The following INTS11 variants were observed in gnomAD, a reference collection of about 807,000 sequenced individuals.
INTS11 encodes the protein CPSF3-like protein.
Under a neutral mutation model 78.6 loss-of-function variants are expected in INTS11, and 77 were observed. The observed-to-expected ratio is 0.98, with a 90% CI of 0.81 to 1.18. INTS11 has a LOEUF of 1.18. Ranked by LOEUF, INTS11 falls within the 50% of genes most tolerant of loss-of-function variation. The pLI, the probability that INTS11 is intolerant of heterozygous loss-of-function variation, is 0.00. For missense variants in INTS11, 875 were observed against 825.9 expected (o/e 1.06, Z -0.73); for synonymous variants, 441 against 326.9 (o/e 1.35, Z -3.77).
chr1:1,313,274 G>A (rs1642353538), intron 10 of INTS11, 150 bp from the exon 11 acceptor site: 14 of 991,918 alleles, frequency 1.4e-5, no homozygotes, highest in Non-Finnish European at 2.0e-5. Context: ...AAAGGGCTCA[G>A]GTTTTGGCAC....
rs1399368067 is a variant in INTS11, at chr1:1,311,774, C to T, written c.*85G>A. On this transcript the variant is annotated 3_prime_UTR_variant, in exon 17 of 17. Coordinates refer to ENST00000435064, the MANE Select transcript of INTS11 (RefSeq NM_017871.6). ...ATGGGACCTGCAGGGTCTGTTCACCCAGGGCACCCACAGTCCTGAAGTGCA... is the reference window on the plus strand; with the variant it reads ...ATGGGACCTGCAGGGTCTGTTCACCTAGGGCACCCACAGTCCTGAAGTGCA... The T allele has an allele frequency of 1.5e-5, 21 of 1,384,484 alleles. No individual in the cohort carries two copies. The highest frequency in any genetic ancestry group is 4.1e-5 in the South Asian group (3 of 73,844). 85.8% of individuals were successfully genotyped at this position (1,384,484 alleles called of 1,614,324 possible).
Position 1,313,598 on chromosome 1 carries a change from G to A in INTS11, c.958-6C>T. The stretch of plus-strand genomic sequence containing the variant: ...CCTGGCGTGGCAAACACAACCTACA[G>A]GACACACAGGGCCAGGTGGGGGGTC... On this transcript the variant is annotated splice_polypyrimidine_tract_variant and splice_region_variant and intron_variant, in intron 9 of 16. Transcript: ENST00000435064. The A allele has an allele frequency of 6.2e-7, 1 of 1,612,882 alleles. No individual in the cohort carries two copies. The highest frequency in any genetic ancestry group is 1.1e-5 in the South Asian group (1 of 91,090).
intron 3 of INTS11, chr1:1,319,819 G>A (rs2100621370): frequency 2.5e-6 from 1 of 403,496 alleles, no homozygotes; most frequent in East Asian, 4.8e-5. Flanking sequence ...TGGCTTTTCA[G>A]GCAGTCAGGA....
intron 1 of INTS11, chr1:1,322,781 C>T (rs1043364825): frequency 9.8e-6 from 6 of 613,238 alleles, no homozygotes; most frequent in Admixed American, 5.9e-5. Context: ...CAGGCCAAGG[C>T]GTGGGAGTGA....
chr1:1,322,836 C>G (rs1179289183), intron 1 of INTS11: 1 of 1,069,898 alleles, frequency 9.3e-7, no homozygotes, highest in Non-Finnish European at 1.2e-6. Flanking sequence ...ACACGGAGCC[C>G]GAGGCAGTCC....
chr1:1,313,155 G>A (rs762585928), intron 10 of INTS11, 31 bp from the exon 11 acceptor site: 1 of 1,590,696 alleles, frequency 6.3e-7, no homozygotes, highest in Admixed American at 1.7e-5. Context: ...CACAGCCAGG[G>A]AACTCCAGCC....
At position 1,313,540 on chromosome 1, in the gene INTS11, AAG is replaced by A; in HGVS notation, c.1008_1009del (p.Phe337ProfsTer135). ...CTTTTCGTTTCCGGCCCATTTCCGGAAGATCTGCAGGGACTGCCCAGCGTGCA... is the reference window on the plus strand; with the variant it reads ...CTTTTCGTTTCCGGCCCATTTCCGGAATCTGCAGGGACTGCCCAGCGTGCA... On this transcript the variant is annotated frameshift_variant, in exon 10 of 17. Coordinates refer to ENST00000435064, the MANE Select transcript of INTS11 (RefSeq NM_017871.6). LOFTEE classifies it high-confidence loss of function. 6.2e-7 allele frequency: 1 copy of A among 1,613,028 alleles called. No homozygotes were observed. Among genetic ancestry groups the A allele is most frequent in the Non-Finnish European group, 8.5e-7 (1 of 1,180,008 alleles).
At chr1:1,321,130 C>T in intron 1 of INTS11, 37 bp from the exon 2 acceptor site, 2 of 1,529,468 alleles carry the variant, frequency 1.3e-6, no homozygotes, top group Non-Finnish European at 1.8e-6. Context: ...CTGCTGCGCC[C>T]CCCGCCCCCT....
chr1:1,312,486 G>A lies in INTS11; in HGVS notation c.1418C>T (p.Ala473Val), dbSNP rs369432324. The change falls in exon 14 of 17, where the codon GCC (alanine) becomes GTC (valine). Residue 473 changes from alanine (A) to valine (V), a missense_variant. By Grantham distance (64) the Ala-to-Val change is moderately conservative (BLOSUM62 0). Coordinates refer to ENST00000435064, the MANE Select transcript of INTS11 (RefSeq NM_017871.6). ...GCCGTGCAGGAGCCGAGGCTTCTTG[G>A]CCTCAGGGAGCAGCCCTGCGGAGGA... The part of the protein sequence containing the change: ...REMAQGLLPE[A>V]KKPRLLHGTL... 228 of 1,579,984 alleles carry A rather than the reference G, an allele frequency of 1.4e-4. 9 individuals carry two copies. The East Asian group carries it at 1.5e-3, about 10-fold the overall frequency.
intron 1 of INTS11, chr1:1,323,127 TCACAGCACAGTGTC>T: frequency 6.5e-7 from 1 of 1,546,712 alleles, no homozygotes; most frequent in Admixed American, 2.0e-5. Flanking sequence ...CCAGGGGTGT[TCACAGCACAGTGTC>T]CACACCGGGG....
In INTS11 at chr1:1,321,988, CCA is replaced by C. The variant is rs967667008; in HGVS notation, c.29-897_29-896del. ...GGGGCCACAGCCGAGGGGCTGCCTG[CCA>C]CAGAGAGGGGATCTCAGGTTCTCTT... On this transcript the variant is annotated intron_variant, in intron 1 of 16. Coordinates refer to ENST00000435064, the MANE Select transcript of INTS11 (RefSeq NM_017871.6). The C allele has an allele frequency of 7.4e-6, 10 of 1,350,236 alleles. No individual in the cohort carries two copies. The South Asian group carries it at 9.1e-5, about 12-fold the overall frequency. 83.6% of individuals were successfully genotyped at this position (1,350,236 alleles called of 1,614,324 possible).
Position 1,312,213 on chromosome 1 carries a change from G to GGGGGGGGGCCCCCCCCCCCC in INTS11, c.1607+12_1607+13insGGGGGGGGGGGGCCCCCCCC. The GGGGGGGGGCCCCCCCCCCCC allele has an allele frequency of 3.2e-6, 3 of 934,546 alleles. No homozygotes were observed. The highest frequency in any genetic ancestry group is 4.7e-6 in the Non-Finnish European group (3 of 636,602). The allele number at this position is 934,546 out of a possible 1,614,324, so 57.9% of individuals were successfully genotyped here. A position where few individuals can be genotyped will look rare whatever the true frequency, so the allele number is the denominator to read the frequency against. ...CCCAAGGGAGTGGGGGGGGGGCGGGGCCGGGCGCCCACCTCTTGAGGTGGC... is the reference window on the plus strand; with the variant it reads ...CCCAAGGGAGTGGGGGGGGGGCGGGGGGGGGGGGCCCCCCCCCCCCCCGGGCGCCCACCTCTTGAGGTGGC... On this transcript the variant is annotated intron_variant, in intron 15 of 16. Coordinates refer to ENST00000435064, the MANE Select transcript of INTS11 (RefSeq NM_017871.6).
intron 4 of INTS11, chr1:1,316,334 A>C (rs1642607261): frequency 6.5e-6 from 1 of 152,692 alleles, no homozygotes; most frequent in South Asian, 2.1e-4. Context: ...CACACCTTTA[A>C]TCCCAGCACT....
chr1:1,319,211 C>T, intron 4 of INTS11, 85 bp downstream of exon 4: 1 of 1,233,754 alleles, frequency 8.1e-7, no homozygotes. Flanking sequence ...CCCCAGCCTT[C>T]CAGAAACTGT....
At position 1,324,634 on chromosome 1, in the gene INTS11, C is replaced by T; in HGVS notation, c.-26G>A. 1 of 1,597,900 alleles carries T rather than the reference C, an allele frequency of 6.3e-7. No homozygotes were observed. Among genetic ancestry groups the T allele is most frequent in the Non-Finnish European group, 8.5e-7 (1 of 1,173,824 alleles). On this transcript the variant is annotated 5_prime_UTR_variant, in exon 1 of 17. Coordinates refer to ENST00000435064, the MANE Select transcript of INTS11 (RefSeq NM_017871.6). ...CGTCTCCGCCGCGCTCCCGGACCCG[C>T]GAGGCCCGCCTGCGGTGATGCACTG...
chr1:1,322,723 A>T, intron 1 of INTS11: 2 of 47,356 alleles, frequency 4.2e-5, no homozygotes, highest in Non-Finnish European at 5.2e-5. Flanking sequence ...GTGGGGAGGG[A>T]TGGGCAGGGT....
chr1:1,321,784 A>G, intron 1 of INTS11: 1 of 661,446 alleles, frequency 1.5e-6, no homozygotes, highest in Non-Finnish European at 2.3e-6. Context: ...TGGCCAGCCA[A>G]GGCACACTCA....
At position 1,312,008 on chromosome 1, in the gene INTS11, C is replaced by G; in HGVS notation, c.1737+10G>C. 1 of 1,583,638 alleles carries G rather than the reference C, an allele frequency of 6.3e-7. No individual in the cohort carries two copies. Among genetic ancestry groups the G allele is most frequent in the Admixed American group, 1.8e-5 (1 of 54,492 alleles). ...GTGTTGACCGCGGTGGGGTGGGGGT[C>G]ACCCCTTACCTGGTAGGTCCAGGAG... On this transcript the variant is annotated intron_variant, in intron 16 of 16. Transcript: ENST00000435064.
chr1:1,324,312 C>A (rs993850630), intron 1 of INTS11, among the ~76,000 whole-genome samples: 2 of 152,078 alleles, frequency 1.3e-5, no homozygotes, highest in Non-Finnish European at 2.9e-5. Flanking sequence ...AAGCGCACAG[C>A]GAGCGCGAAG....
Sources: allele counts gnomAD v4.1 joint callset (sites outside exome capture counted in the v4.1 genomes callset), GRCh38; gene constraint gnomAD v4.1.1; transcripts MANE v1.5; gene names NCBI Gene and HGNC (gene_info 2026-07-23, HGNC 2026-07-21).